MAP6: variants seen among roughly 807,000 people sequenced by gnomAD.
The protein encoded by MAP6 is microtubule-associated protein 6.
In MAP6, 26 loss-of-function variants were observed where a neutral mutation model predicts 42.4. The ratio of observed to expected loss-of-function variants is 0.61; its 90% CI spans 0.45 to 0.85. The LOEUF is 0.85. MAP6 is among the 40% of genes least tolerant of loss of function. The pLI, the probability that MAP6 is intolerant of heterozygous loss-of-function variation, is 0.00. For missense variants in MAP6, 966 were observed against 1,099.0 expected (o/e 0.88, Z 1.71); for synonymous variants, 418 against 443.8 (o/e 0.94, Z 0.73).
In MAP6 at chr11:75,648,006, G is replaced by A. The variant is rs117422946; in HGVS notation, c.905+19459C>T. ...CCCAGAAACAGATCCAGAAACAAAT[G>A]AGGGAACTTGCTATATAATAGTGGG... On this transcript the variant is annotated intron_variant, in intron 1 of 3. Transcript: ENST00000304771. 9.0e-3 allele frequency among the ~76,000 whole-genome samples: 1,364 copies of A among 152,250 alleles called. 12 individuals are homozygous for A. Among genetic ancestry groups the A allele is most frequent in the Non-Finnish European group, 0.015 (1,050 of 68,014 alleles).
At chr11:75,654,169 T>C (rs972618037) in intron 1 of MAP6, among the ~76,000 whole-genome samples, 2 of 152,170 alleles carry the variant, frequency 1.3e-5, no homozygotes, top group African/African-American at 4.8e-5. Flanking sequence ...AAAAGAGTGA[T>C]TAAGTAACTT....
rs141966968 is a variant in MAP6, at chr11:75,664,889, CA to C, written c.905+2575del. On this transcript the variant is annotated intron_variant, in intron 1 of 3. Transcript: ENST00000304771. Reference sequence around the variant, plus strand: ...TTATTTGTTAATTTTTATTCTGGAACAAAAAAAAAACCCGTTAAATTTCACA... The same window carrying C: ...TTATTTGTTAATTTTTATTCTGGAACAAAAAAAAACCCGTTAAATTTCACA... Among the ~76,000 whole-genome samples the C allele has an allele frequency of 2.3e-3, 339 of 145,462 alleles. 1 individual carries two copies. The highest frequency in any genetic ancestry group is 7.6e-3 in the African/African-American group (302 of 39,774).
chr11:75,651,544 T>A (rs1943646336), intron 1 of MAP6, among the ~76,000 whole-genome samples: 1 of 152,216 alleles, frequency 6.6e-6, no homozygotes, highest in Admixed American at 6.5e-5. Flanking sequence ...AAATTCCATG[T>A]TGTAGCCCCG....
rs149966120 is a variant in MAP6 at position 75,667,278 on chromosome 11, C to T, written c.905+187G>A. On this transcript the variant is annotated intron_variant, in intron 1 of 3. Transcript: ENST00000304771. The surrounding 1 kb of genome is among the most constrained non-coding windows in gnomAD (Gnocchi z 5.6). ...TGAGATGGAATATACTAACAGCTTG[C>T]GCATGGGACAGGGCAGAAGAGAAGG... 3.2e-3 allele frequency among the ~76,000 whole-genome samples: 491 copies of T among 152,244 alleles called. 2 individuals are homozygous for T. The highest frequency in any genetic ancestry group is 5.4e-3 in the Admixed American group (82 of 15,306).
Position 75,668,569 on chromosome 11 carries a change from G to A in MAP6, c.-200C>T. ...CCTAGGAGAGTCTGTAGAGTCCCTC[G>A]ATTACCGGTCGCAAACGCCTTTGGG... On this transcript the variant is annotated 5_prime_UTR_variant, in exon 1 of 4. Transcript: ENST00000304771. 1 of 632,438 alleles carries A rather than the reference G, an allele frequency of 1.6e-6. No homozygotes were observed. Among genetic ancestry groups the A allele is most frequent in the Non-Finnish European group, 2.2e-6 (1 of 445,746 alleles). The allele number at this position is 632,438 out of a possible 1,614,324, so 39.2% of individuals were successfully genotyped here.
intron 1 of MAP6, among the ~76,000 whole-genome samples, chr11:75,663,316 T>G (rs138473528): frequency 2.0e-5 from 3 of 152,226 alleles, no homozygotes; most frequent in African/African-American, 7.2e-5. Context: ...AAGACACAAT[T>G]TTCTTACATT....
rs373298941 is a variant in MAP6, at chr11:75,588,139, A to G, written c.1362T>C (p.Pro454=). 1.2e-6 allele frequency: 2 copies of G among 1,613,740 alleles called. No homozygotes were observed. The highest frequency in any genetic ancestry group is 1.7e-6 in the Non-Finnish European group (2 of 1,179,964). The change falls in exon 4 of 4, where the codon CCT becomes CCC. Residue 454 remains proline (P), a synonymous_variant. Transcript: ENST00000304771. The part of the protein sequence containing the change: ...PVSDSSKTQG[P]VATEPDKDQG... Reference sequence around the variant, plus strand: ...GATCCTTGTCTGGCTCTGTGGCTACAGGACCTTGAGTCTTACTTGAATCAC... The same window carrying G: ...GATCCTTGTCTGGCTCTGTGGCTACGGGACCTTGAGTCTTACTTGAATCAC...
chr11:75,648,396 G>A (rs747755542), intron 1 of MAP6, among the ~76,000 whole-genome samples: 6 of 152,276 alleles, frequency 3.9e-5, no homozygotes, highest in Middle Eastern at 3.4e-3. Flanking sequence ...TACTCAGGAG[G>A]CTGAGGCGGG....
At chr11:75,649,840 C>T (rs530105135) in intron 1 of MAP6, among the ~76,000 whole-genome samples, 21 of 152,072 alleles carry the variant, frequency 1.4e-4, no homozygotes, top group Non-Finnish European at 2.8e-4. Context: ...CACCCAGCCT[C>T]AAATATAATA....
intron 1 of MAP6, among the ~76,000 whole-genome samples, chr11:75,643,799 A>G (rs1379099521): frequency 1.3e-5 from 2 of 152,264 alleles, no homozygotes; most frequent in Middle Eastern, 3.4e-3. Flanking sequence ...CACTTTACAG[A>G]TGAGGAAGGT....
intron 1 of MAP6, among the ~76,000 whole-genome samples, chr11:75,650,694 A>G (rs1040968484): frequency 2.0e-5 from 3 of 152,174 alleles, no homozygotes; most frequent in African/African-American, 7.2e-5. Context: ...GGCATGTATC[A>G]TACTGCCCTA....
intron 1 of MAP6, among the ~76,000 whole-genome samples, chr11:75,644,995 A>G (rs895179999): frequency 2.6e-5 from 4 of 152,202 alleles, no homozygotes; most frequent in Non-Finnish European, 1.5e-5. Flanking sequence ...CGAATGAGAC[A>G]CCTAAAAATT....
intron 3 of MAP6, chr11:75,604,748 G>A (rs1343642953): frequency 3.3e-5 from 33 of 985,248 alleles, no homozygotes; most frequent in Non-Finnish European, 4.0e-5. Context: ...TGAGGTCAAA[G>A]CTGCTTGCTA....
intron 1 of MAP6, among the ~76,000 whole-genome samples, chr11:75,666,611 T>C (rs1943952319): frequency 6.6e-6 from 1 of 152,226 alleles, no homozygotes; most frequent in African/African-American, 2.4e-5. Context: ...GATGTACTAA[T>C]TACCACTATG....
Position 75,667,328 on chromosome 11 carries a change from G to T in MAP6, c.905+137C>A. The T allele has an allele frequency of 1.3e-6, 1 of 760,142 alleles. No individual in the cohort carries two copies. The highest frequency in any genetic ancestry group is 1.9e-6 in the Non-Finnish European group (1 of 523,586). The allele number at this position is 760,142 out of a possible 1,614,324, so 47.1% of individuals were successfully genotyped here. ...GCTTCGACAGGAGGTGGCCTGGGAG[G>T]CGGCTGGGGAGAGGGTGTGGCCTGG... On this transcript the variant is annotated intron_variant, in intron 1 of 3. Transcript: ENST00000304771. This position sits in a 1 kb window ranked among gnomAD's most constrained non-coding sequence, Gnocchi z 5.6.
At chr11:75,607,286 G>T in intron 2 of MAP6, 7 of 985,432 alleles carry the variant, frequency 7.1e-6, no homozygotes, top group Non-Finnish European at 8.4e-6. Context: ...GCAGAGAAAA[G>T]GATAATTAGG....
At chr11:75,619,277 T>C (rs1425752601) in intron 1 of MAP6, among the ~76,000 whole-genome samples, 3 of 152,204 alleles carry the variant, frequency 2.0e-5, no homozygotes, top group African/African-American at 4.8e-5. Flanking sequence ...CAAGAAGAAA[T>C]AGAAAACCTG....
intron 3 of MAP6, among the ~76,000 whole-genome samples, chr11:75,589,019 C>T (rs1443002721): frequency 1.3e-5 from 2 of 152,090 alleles, no homozygotes; most frequent in African/African-American, 4.8e-5. Context: ...TGATTGCATG[C>T]ACCACTCCCA....
chr11:75,665,938 G>C (rs1032491593), intron 1 of MAP6, among the ~76,000 whole-genome samples: 1 of 152,052 alleles, frequency 6.6e-6, no homozygotes, highest in Non-Finnish European at 1.5e-5. Flanking sequence ...TAGGAGTTGG[G>C]GGACAGATTT....
Sources: gnomAD v4.1 joint callset for allele counts (sites outside exome capture counted in the v4.1 genomes callset) on GRCh38, gnomAD v4.1.1 for gene constraint, Gnocchi (gnomAD v3.1) non-coding constraint, MANE v1.5 for transcripts, NCBI Gene and HGNC (gene_info 2026-07-23, HGNC 2026-07-21) for gene names.